The following JAM3 variants were observed in gnomAD, a reference collection of about 807,000 sequenced individuals.
JAM3 encodes the protein junctional adhesion molecule 3.
Under a neutral mutation model 39.4 loss-of-function variants are expected in JAM3, and 31 were observed. The observed-to-expected ratio is 0.79, with a 90% CI of 0.59 to 1.06. JAM3 has a LOEUF of 1.06. JAM3 is among the 50% of genes least tolerant of loss of function. The pLI, the probability that JAM3 is intolerant of heterozygous loss-of-function variation, is 0.00. For synonymous variants in JAM3, 182 were observed against 148.7 expected, an observed-to-expected ratio of 1.22 and a Z score of -1.63; for missense variants, 455 against 391.4, an observed-to-expected ratio of 1.16 and a Z score of -1.37.
chr11:134,135,507 C>G (rs936059532), intron 1 of JAM3, among the ~76,000 whole-genome samples: 1 of 151,536 alleles, frequency 6.6e-6, no homozygotes, highest in South Asian at 2.1e-4. Flanking sequence ...AATGTTAGCT[C>G]CATGAGAGCA....
chr11:134,093,831 A>C, intron 1 of JAM3, among the ~76,000 whole-genome samples: 1 of 83,102 alleles, frequency 1.2e-5, no homozygotes, highest in South Asian at 5.5e-4. Flanking sequence ...CATCTTATTC[A>C]TCATGTTCCA....
At chr11:134,146,936 G>C (rs1009948159) in intron 6 of JAM3, among the ~76,000 whole-genome samples, 2 of 152,170 alleles carry the variant, frequency 1.3e-5, no homozygotes, top group Non-Finnish European at 2.9e-5. Flanking sequence ...TTCCAAAACT[G>C]CCTGGTGATA....
chr11:134,122,022 A>G (rs1174916344), intron 1 of JAM3, among the ~76,000 whole-genome samples: 1 of 152,170 alleles, frequency 6.6e-6, no homozygotes, highest in Non-Finnish European at 1.5e-5. Flanking sequence ...AGAATTTTGG[A>G]TATACCATTA....
chr11:134,127,188 C>G (rs1184761212), intron 1 of JAM3, among the ~76,000 whole-genome samples: 3 of 152,122 alleles, frequency 2.0e-5, no homozygotes, highest in African/African-American at 7.2e-5. Flanking sequence ...GAAGTGCTGG[C>G]TCCATCACTT....
chr11:134,076,748 G>T (rs533481093), intron 1 of JAM3, among the ~76,000 whole-genome samples: 5 of 151,188 alleles, frequency 3.3e-5, no homozygotes, highest in South Asian at 4.2e-4. Flanking sequence ...TCACTATATT[G>T]CCCACACTGA....
chr11:134,092,396 C>T (rs569665360), intron 1 of JAM3, among the ~76,000 whole-genome samples: 4 of 54,594 alleles, frequency 7.3e-5, no homozygotes, highest in Admixed American at 6.5e-4. Flanking sequence ...TTCTCCTGAA[C>T]CCTCCTTATT....
Position 134,133,332 on chromosome 11 carries a change from G to T in JAM3, c.77-6519G>T, listed in dbSNP as rs1939124. On this transcript the variant is annotated intron_variant, in intron 1 of 8. Transcript: ENST00000299106. Reference sequence around the variant, plus strand: ...TTGCTAGAAATTCCAATATCATGTTGAATAGAAGTGGTGAAAGTGGGCATC... The same window carrying T: ...TTGCTAGAAATTCCAATATCATGTTTAATAGAAGTGGTGAAAGTGGGCATC... Among the ~76,000 whole-genome samples the T allele has an allele frequency of 8.9e-3, 1,358 of 152,162 alleles. 27 individuals are homozygous for T. Among genetic ancestry groups the T allele is most frequent in the African/African-American group, 0.031 (1,302 of 41,500 alleles).
Position 134,080,097 on chromosome 11 carries a change from G to C in JAM3, c.76+10938G>C, listed in dbSNP as rs78490876. ...AAAAAATGAATAACCAATTGGTTGGGTTGTTATTTTTAATTCAATCTGATT... is the reference window on the plus strand; with the variant it reads ...AAAAAATGAATAACCAATTGGTTGGCTTGTTATTTTTAATTCAATCTGATT... On this transcript the variant is annotated intron_variant, in intron 1 of 8. Transcript: ENST00000299106. 6.6e-5 allele frequency among the ~76,000 whole-genome samples: 10 copies of C among 152,128 alleles called. No individual in the cohort carries two copies. The East Asian group carries it at 1.9e-3, about 29-fold the overall frequency.
Position 134,149,479 on chromosome 11 carries a change from C to A in JAM3, c.*298C>A. The stretch of plus-strand genomic sequence containing the variant: ...ATTCCCGCATGAGTATTAGGGTGAT[C>A]TTAAAGAGTTTGCTCACGTAAACGC... On this transcript the variant is annotated 3_prime_UTR_variant, in exon 9 of 9. Transcript: ENST00000299106. 1.8e-6 allele frequency: 1 copy of A among 548,614 alleles called. No homozygotes were observed. 34.0% of individuals were successfully genotyped at this position (548,614 alleles called of 1,614,324 possible).
intron 6 of JAM3, chr11:134,148,131 C>T (rs2120379786): frequency 4.2e-6 from 1 of 236,810 alleles, no homozygotes; most frequent in South Asian, 6.2e-5. Flanking sequence ...AGCTACCTTT[C>T]TTCCCCGCAG....
At position 134,106,376 on chromosome 11, in the gene JAM3, C is replaced by T. The variant is rs551634153; in HGVS notation, c.77-33475C>T. ...ATGGATTAAAGACTTAAATGTTAGA[C>T]CTAAAACCATAAAAACCCTAGAAGA... is the stretch of plus-strand genomic sequence containing the variant. On this transcript the variant is annotated intron_variant, in intron 1 of 8. Transcript: ENST00000299106. Among the ~76,000 whole-genome samples the T allele has an allele frequency of 8.3e-3, 1,257 of 152,096 alleles. 18 individuals are homozygous for T. The highest frequency in any genetic ancestry group is 0.028 in the African/African-American group (1,169 of 41,490).
chr11:134,078,922 C>T lies in JAM3; in HGVS notation c.76+9763C>T, dbSNP rs540377479. 3.5e-4 allele frequency among the ~76,000 whole-genome samples: 53 copies of T among 152,210 alleles called. No individual in the cohort carries two copies. The South Asian group carries it at 5.0e-3, about 14-fold the overall frequency. ...GGTATGGTGACATGCGCCTGTAATC[C>T]CAGCTGCTTGGGAGGCTGAGGCAGG... On this transcript the variant is annotated intron_variant, in intron 1 of 8. Transcript: ENST00000299106.
In JAM3 at chr11:134,149,472, GGGTGATCTTAA is replaced by G; in HGVS notation, c.*292_*302del. On this transcript the variant is annotated 3_prime_UTR_variant, in exon 9 of 9. Transcript: ENST00000299106. ...TGGCCTGATTCCCGCATGAGTATTA[GGGTGATCTTAA>G]AGAGTTTGCTCACGTAAACGCCCGT... The G allele has an allele frequency of 5.4e-6, 3 of 560,558 alleles. No homozygotes were observed. Among genetic ancestry groups the G allele is most frequent in the Non-Finnish European group, 9.7e-6 (3 of 309,002 alleles). 34.7% of individuals were successfully genotyped at this position (560,558 alleles called of 1,614,324 possible).
At chr11:134,146,196 G>C in intron 6 of JAM3, 151 bp downstream of exon 6, 1 of 687,310 alleles carries the variant, frequency 1.5e-6, no homozygotes, top group South Asian at 1.6e-5. Flanking sequence ...CCACTGCACA[G>C]TGAAGGGAAG....
intron 1 of JAM3, among the ~76,000 whole-genome samples, chr11:134,101,937 C>T (rs1386431740): frequency 6.6e-6 from 1 of 152,132 alleles, no homozygotes; most frequent in Non-Finnish European, 1.5e-5. Flanking sequence ...GGGTACACAT[C>T]TGTATTCCCA....
intron 5 of JAM3, chr11:134,145,464 G>A (rs1943055009): frequency 3.1e-6 from 1 of 322,302 alleles, no homozygotes; most frequent in Middle Eastern, 1.1e-3. Context: ...GGTGGTGGTG[G>A]GAGGTGGGGG....
intron 1 of JAM3, among the ~76,000 whole-genome samples, chr11:134,103,789 C>T (rs548049096): frequency 6.6e-6 from 1 of 152,144 alleles, no homozygotes; most frequent in Non-Finnish European, 1.5e-5. Flanking sequence ...GTAAAGGGAT[C>T]AATTCAACAA....
At chr11:134,099,298 C>G (rs1395165679) in intron 1 of JAM3, among the ~76,000 whole-genome samples, 1 of 152,140 alleles carries the variant, frequency 6.6e-6, no homozygotes, top group Non-Finnish European at 1.5e-5. Context: ...GCAAGCAGCT[C>G]TTGGCCTGGG....
At chr11:134,124,519 G>A (rs1376959098) in intron 1 of JAM3, among the ~76,000 whole-genome samples, 1 of 152,136 alleles carries the variant, frequency 6.6e-6, no homozygotes, top group Non-Finnish European at 1.5e-5. Flanking sequence ...AAAGTATTTA[G>A]AATCCACTTG....
Sources: gnomAD v4.1 joint callset for allele counts (sites outside exome capture counted in the v4.1 genomes callset) on GRCh38, gnomAD v4.1.1 for gene constraint, MANE v1.5 for transcripts, NCBI Gene and HGNC (gene_info 2026-07-23, HGNC 2026-07-21) for gene names.